The following HECW2 variants were observed in gnomAD, a reference collection of about 807,000 sequenced individuals.
The protein encoded by HECW2 is E3 ubiquitin-protein ligase HECW2.
A neutral mutation model predicts 175.2 loss-of-function variants in HECW2; 61 were observed. The observed-to-expected ratio is 0.35, with a 90% CI of 0.28 to 0.43. The LOEUF (loss-of-function observed/expected upper bound fraction) is 0.43, where lower values mean the gene tolerates loss of function less well. Ranked by LOEUF, HECW2 falls within the 20% of genes least tolerant of loss-of-function variation. HECW2 has a pLI of 1.00. For synonymous variants in HECW2, 671 were observed against 731.0 expected, an observed-to-expected ratio of 0.92 and a Z score of 1.32; for missense variants, 1,524 against 2,000.5, an observed-to-expected ratio of 0.76 and a Z score of 4.54.
chr2:196,340,522 G>C (rs1260032323), intron 3 of HECW2, among the ~76,000 whole-genome samples: 3 of 146,046 alleles, frequency 2.1e-5, no homozygotes, highest in Non-Finnish European at 3.0e-5. Context: ...CTTGAACCCA[G>C]GAGGTGGAGG....
At chr2:196,509,274 C>T (rs1185628058) in intron 1 of HECW2, among the ~76,000 whole-genome samples, 3 of 152,140 alleles carry the variant, frequency 2.0e-5, no homozygotes, top group African/African-American at 7.2e-5. Flanking sequence ...ACCCTCCTGG[C>T]TCATGGATGA....
chr2:196,220,332 A>C (rs532531327), intron 25 of HECW2, among the ~76,000 whole-genome samples, 179 bp from the exon 26 acceptor site: 93 of 152,368 alleles, frequency 6.1e-4, no homozygotes, highest in African/African-American at 2.2e-3. Context: ...TATAAGGTTG[A>C]TGAGATTTGC....
intron 1 of HECW2, among the ~76,000 whole-genome samples, chr2:196,450,101 C>T (rs1375312657): frequency 1.3e-5 from 2 of 152,184 alleles, no homozygotes; most frequent in African/African-American, 2.4e-5. Flanking sequence ...ACCCAGTATG[C>T]CTAAGGCAAA....
intron 2 of HECW2, among the ~76,000 whole-genome samples, chr2:196,403,812 A>T (rs1694885222): frequency 6.6e-6 from 1 of 152,188 alleles, no homozygotes; most frequent in Admixed American, 6.5e-5. Flanking sequence ...ATAATAACAA[A>T]AAAGAACATG....
At chr2:196,461,998 T>C (rs1193163235) in intron 1 of HECW2, among the ~76,000 whole-genome samples, 1 of 152,142 alleles carries the variant, frequency 6.6e-6, no homozygotes, top group Non-Finnish European at 1.5e-5. Context: ...CAAATGTCCA[T>C]CAATATGTGA....
chr2:196,394,949 T>A (rs1446617257), intron 2 of HECW2, among the ~76,000 whole-genome samples: 1 of 152,180 alleles, frequency 6.6e-6, no homozygotes, highest in African/African-American at 2.4e-5. Flanking sequence ...AGATTCAGTG[T>A]CTGGTGAGGG....
At chr2:196,502,060 T>C (rs1687594358) in intron 1 of HECW2, among the ~76,000 whole-genome samples, 1 of 152,244 alleles carries the variant, frequency 6.6e-6, no homozygotes, top group Admixed American at 6.5e-5. Flanking sequence ...GGACTTTCCC[T>C]GAATCCAGCT....
At chr2:196,561,012 C>T (rs1271551264) in intron 1 of HECW2, among the ~76,000 whole-genome samples, 1 of 152,072 alleles carries the variant, frequency 6.6e-6, no homozygotes, top group Non-Finnish European at 1.5e-5. Context: ...AGGATAACAG[C>T]GATGTTCAGG....
Position 196,257,910 on chromosome 2 carries a change from A to T in HECW2, c.3336-4T>A, listed in dbSNP as rs1399967889. On this transcript the variant is annotated splice_polypyrimidine_tract_variant and splice_region_variant and intron_variant, in intron 17 of 28. Coordinates refer to ENST00000644978, the MANE Select transcript of HECW2 (RefSeq NM_001348768.2). ...TCGGATAAATTGGATCTTCTCCCTAATCAAGAAAAGAAACAGCACAAAATG... is the reference window on the plus strand; with the variant it reads ...TCGGATAAATTGGATCTTCTCCCTATTCAAGAAAAGAAACAGCACAAAATG... The T allele has an allele frequency of 6.2e-7, 1 of 1,610,674 alleles. No homozygotes were observed. Among genetic ancestry groups the T allele is most frequent in the Admixed American group, 1.7e-5 (1 of 59,970 alleles).
rs531674057 is a variant in HECW2, at chr2:196,329,748, C to T, written c.496-98G>A. ...ATGTTCCTAAATGCAATGATTTTTG[C>T]ATCAAACGGGTATTGTATCATGTGT... On this transcript the variant is annotated intron_variant, in intron 4 of 28. Transcript: ENST00000644978. 7.2e-5 allele frequency: 67 copies of T among 935,980 alleles called. 1 individual carries two copies. The African/African-American group carries it at 8.2e-4, about 11-fold the overall frequency. The allele number at this position is 935,980 out of a possible 1,614,324, so 58.0% of individuals were successfully genotyped here.
chr2:196,544,609 C>A (rs143830316), intron 1 of HECW2, among the ~76,000 whole-genome samples: 1 of 152,144 alleles, frequency 6.6e-6, no homozygotes, highest in Non-Finnish European at 1.5e-5. Context: ...TTGCATAGCA[C>A]GATGTAGGAA....
intron 1 of HECW2, among the ~76,000 whole-genome samples, chr2:196,480,624 T>C (rs1423018618): frequency 1.3e-5 from 2 of 152,202 alleles, no homozygotes; most frequent in African/African-American, 4.8e-5. Flanking sequence ...ATAGGGAGGA[T>C]GGAGAGCTGG....
At chr2:196,287,455 G>GA (rs1383405924) in intron 14 of HECW2, among the ~76,000 whole-genome samples, 4 of 152,000 alleles carry the variant, frequency 2.6e-5, no homozygotes, top group Non-Finnish European at 5.9e-5. Flanking sequence ...TAATCTGGGG[G>GA]AAAAAACCCT....
At chr2:196,324,146 T>G (rs1202729947) in intron 6 of HECW2, among the ~76,000 whole-genome samples, 1 of 152,160 alleles carries the variant, frequency 6.6e-6, no homozygotes, top group Non-Finnish European at 1.5e-5. Context: ...AACATATTGT[T>G]GTCATTAAAT....
chr2:196,251,410 G>A (rs187740540), intron 19 of HECW2, among the ~76,000 whole-genome samples: 116 of 152,142 alleles, frequency 7.6e-4, no homozygotes, highest in Admixed American at 1.2e-3. Flanking sequence ...CTAGGTTCCA[G>A]TTGCCACCAG....
intron 1 of HECW2, among the ~76,000 whole-genome samples, chr2:196,500,630 C>A (rs62184697): frequency 6.6e-6 from 1 of 152,186 alleles, no homozygotes. Flanking sequence ...TCAATTAACA[C>A]CACTTTACCA....
intron 1 of HECW2, among the ~76,000 whole-genome samples, chr2:196,581,700 T>G (rs1690791716): frequency 6.6e-6 from 1 of 152,168 alleles, no homozygotes; most frequent in Non-Finnish European, 1.5e-5. Context: ...TAAACTTTAT[T>G]TTGTCTTATA....
chr2:196,331,852 A>T (rs996177629), intron 4 of HECW2, among the ~76,000 whole-genome samples: 10 of 152,266 alleles, frequency 6.6e-5, no homozygotes, highest in African/African-American at 1.9e-4. Context: ...TAGGGATAAT[A>T]AACACATCTG....
intron 1 of HECW2, among the ~76,000 whole-genome samples, chr2:196,435,796 A>G (rs1695850818): frequency 6.6e-6 from 1 of 152,340 alleles, no homozygotes; most frequent in East Asian, 1.9e-4. Flanking sequence ...AGAACATAAC[A>G]TCTGCCTCAT....
Sources: gnomAD v4.1 joint callset for allele counts (sites outside exome capture counted in the v4.1 genomes callset) on GRCh38, gnomAD v4.1.1 for gene constraint, MANE v1.5 for transcripts, NCBI Gene and HGNC (gene_info 2026-07-23, HGNC 2026-07-21) for gene names.